MMP24: variants seen among roughly 807,000 people sequenced by gnomAD.
MMP24 encodes matrix metalloproteinase-24.
In MMP24, 25 loss-of-function variants were observed where a neutral mutation model predicts 62.8. That is an observed-to-expected ratio of 0.40 (90% CI 0.29 to 0.56). The LOEUF (loss-of-function observed/expected upper bound fraction) is 0.56, where lower values mean the gene tolerates loss of function less well. Among genes scored for constraint, MMP24 ranks in the 20% least tolerant of loss-of-function variants. The pLI is 0.50. For missense variants in MMP24, 634 were observed against 853.6 expected (o/e 0.74, Z 3.21); for synonymous variants, 319 against 350.5 (o/e 0.91, Z 1.00).
intron 3 of MMP24, among the ~76,000 whole-genome samples, chr20:35,253,952 C>G (rs2060562071): frequency 6.6e-6 from 1 of 151,002 alleles, no homozygotes; most frequent in African/African-American, 2.5e-5. Flanking sequence ...TCACTGCAAC[C>G]TCTGCCTCCG....
chr20:35,263,787 A>G lies in MMP24; in HGVS notation c.818-4A>G. 6.5e-7 allele frequency: 1 copy of G among 1,547,004 alleles called. No homozygotes were observed. The highest frequency in any genetic ancestry group is 8.7e-7 in the Non-Finnish European group (1 of 1,146,000). On this transcript the variant is annotated splice_polypyrimidine_tract_variant and splice_region_variant and intron_variant, in intron 4 of 8. Coordinates refer to ENST00000246186, the MANE Select transcript of MMP24 (RefSeq NM_006690.4). ...TGGGCACCTCCCCACACTCCTCTCC[A>G]CAGGGAACGACCTCTTCCTGGTGGC...
chr20:35,246,923 A>C lies in MMP24; in HGVS notation c.330A>C (p.Ala110=). 2 of 1,614,048 alleles carry C rather than the reference A, an allele frequency of 1.2e-6. No homozygotes were observed. The highest frequency in any genetic ancestry group is 2.2e-5 in the East Asian group (1 of 44,884). ...ACTCAGCGAAGGCCTTGCAGTCGGC[A>C]GTCTCCACTATGCAGCAGTTTTACG... ...ALHSAKALQS[A]VSTMQQFYGI... Residue 110 remains alanine, a synonymous_variant, in exon 2 of 9, where the codon GCA becomes GCC. Transcript: ENST00000246186.
intron 1 of MMP24, among the ~76,000 whole-genome samples, chr20:35,246,172 T>G (rs1346231261): frequency 6.6e-6 from 1 of 151,962 alleles, no homozygotes; most frequent in East Asian, 1.9e-4. Flanking sequence ...TCAGCCGTGC[T>G]GGCCGGGCGC....
At chr20:35,273,842 T>A (rs571233322) in intron 8 of MMP24, among the ~76,000 whole-genome samples, 2 of 152,102 alleles carry the variant, frequency 1.3e-5, no homozygotes, top group Non-Finnish European at 2.9e-5. Flanking sequence ...TGCAGAGAGG[T>A]CTTGCTGTCA....
At chr20:35,246,463 T>C (rs1047283716) in intron 1 of MMP24, among the ~76,000 whole-genome samples, 2 of 152,146 alleles carry the variant, frequency 1.3e-5, no homozygotes, top group African/African-American at 4.8e-5. Context: ...GCGACAAAGC[T>C]GGACTCCGTC....
intron 1 of MMP24, 100 bp downstream of exon 1, chr20:35,227,084 G>T (rs1276013277): frequency 4.3e-6 from 4 of 922,944 alleles, no homozygotes; most frequent in African/African-American, 1.8e-5. Context: ...ACCTACTGCC[G>T]AGGTCGCGGA....
chr20:35,244,504 G>A (rs1196809172), intron 1 of MMP24, among the ~76,000 whole-genome samples: 3 of 152,112 alleles, frequency 2.0e-5, no homozygotes, highest in Non-Finnish European at 4.4e-5. Context: ...GTAATGGCGT[G>A]ATCTCAGCTC....
chr20:35,246,128 C>T (rs1340640487), intron 1 of MMP24, among the ~76,000 whole-genome samples: 3 of 151,804 alleles, frequency 2.0e-5, no homozygotes, highest in Admixed American at 1.3e-4. Context: ...CTGGGTGGCA[C>T]AACATTTTCA....
At position 35,226,941 on chromosome 20, in the gene MMP24, C is replaced by T. The variant is rs1157111716; in HGVS notation, c.203C>T (p.Ala68Val). 28 of 979,768 alleles carry T rather than the reference C, an allele frequency of 2.9e-5. No homozygotes were observed. Among genetic ancestry groups the T allele is most frequent in the African/African-American group, 2.0e-4 (11 of 56,188 alleles). 60.7% of individuals were successfully genotyped at this position (979,768 alleles called of 1,614,324 possible). ...GAGNRAAVAV[A>V]VARADEAEAP... ...GGGAACCGGGCAGCGGTGGCGGTGG[C>T]GGTGGCGCGGGCGGACGAGGCGGAG... Residue 68 changes from alanine (A) to valine (V), a missense_variant, in exon 1 of 9, where the codon GCG becomes GTG. This residue lies in a region of MMP24 where 212 missense variants were observed against 259.6 expected (regional missense o/e 0.82). Transcript: ENST00000246186.
intron 1 of MMP24, among the ~76,000 whole-genome samples, chr20:35,244,566 G>A (rs988937243): frequency 6.6e-6 from 1 of 151,682 alleles, no homozygotes; most frequent in Non-Finnish European, 1.5e-5. Flanking sequence ...TCAGCCTCCC[G>A]AGTAGCTGAG....
At chr20:35,263,145 T>G (rs114658163) in intron 4 of MMP24, 4,025 of 152,322 alleles carry the variant, frequency 0.026, 106 homozygotes, top group African/African-American at 0.066. Context: ...CAGGTCTTGT[T>G]CCCTCTAATC....
Position 35,276,099 on chromosome 20 carries a change from G to A in MMP24, c.*1490G>A. The stretch of plus-strand genomic sequence containing the variant: ...GTCTCGGATGCCACCCCTGCTCACT[G>A]AGCCTGCATGGGCCTTGCCCCCGAC... On this transcript the variant is annotated 3_prime_UTR_variant, in exon 9 of 9. Transcript: ENST00000246186. The A allele has an allele frequency of 2.5e-6, 1 of 398,702 alleles. No homozygotes were observed. The highest frequency in any genetic ancestry group is 4.4e-6 in the Non-Finnish European group (1 of 226,146). The allele number at this position is 398,702 out of a possible 1,614,324, so 24.7% of individuals were successfully genotyped here. A position where few individuals can be genotyped will look rare whatever the true frequency, so the allele number is the denominator to read the frequency against.
At chr20:35,256,657 TAC>T (rs1248721950) in intron 4 of MMP24, among the ~76,000 whole-genome samples, 8 of 134,882 alleles carry the variant, frequency 5.9e-5, no homozygotes, top group African/African-American at 2.2e-4. Flanking sequence ...AGGCGGAGGT[TAC>T]AGTGAGCCGA....
chr20:35,253,339 C>A (rs1202780040), intron 3 of MMP24, among the ~76,000 whole-genome samples: 2 of 132,716 alleles, frequency 1.5e-5, no homozygotes, highest in Non-Finnish European at 3.1e-5. Flanking sequence ...ACTAAGGGCT[C>A]TTCTGCTGAT....
intron 5 of MMP24, among the ~76,000 whole-genome samples, chr20:35,264,696 A>T (rs2060622166): frequency 8.1e-6 from 1 of 124,144 alleles, no homozygotes; most frequent in African/African-American, 3.2e-5. Context: ...CAACAGGGCG[A>T]GACTCCGTCT....
Position 35,246,821 on chromosome 20 carries a change from T to A in MMP24, c.247-19T>A. ...CCTTTCCCAGCATAACGCATCTTTT[T>A]CTTTCCCGTGTCTTTCAGAACTGGT... On this transcript the variant is annotated intron_variant, in intron 1 of 8. Coordinates refer to ENST00000246186, the MANE Select transcript of MMP24 (RefSeq NM_006690.4). 1 of 1,613,144 alleles carries A rather than the reference T, an allele frequency of 6.2e-7. No individual in the cohort carries two copies. Among genetic ancestry groups the A allele is most frequent in the Non-Finnish European group, 8.5e-7 (1 of 1,179,120 alleles).
At position 35,259,440 on chromosome 20, in the gene MMP24, G is replaced by C. The variant is rs1414063448; in HGVS notation, c.818-4351G>C. 2.0e-5 allele frequency among the ~76,000 whole-genome samples: 3 copies of C among 152,174 alleles called. No homozygotes were observed. In the East Asian group the frequency reaches 5.8e-4, roughly 29 times the overall value. On this transcript the variant is annotated intron_variant, in intron 4 of 8. Transcript: ENST00000246186. ...CCTGGGGCAGCGAGCATGTGCACTAGTGGCAATCACGTGGGGAGGAAGCGG... is the reference window on the plus strand; with the variant it reads ...CCTGGGGCAGCGAGCATGTGCACTACTGGCAATCACGTGGGGAGGAAGCGG...
At chr20:35,245,808 CAAAA>C (rs763638366) in intron 1 of MMP24, among the ~76,000 whole-genome samples, 21 of 112,344 alleles carry the variant, frequency 1.9e-4, no homozygotes, top group Non-Finnish European at 2.5e-4. Flanking sequence ...TCACCTGGGC[CAAAA>C]AAAAAAAAAA....
intron 1 of MMP24, among the ~76,000 whole-genome samples, chr20:35,237,881 T>C (rs1002986784): frequency 2.0e-5 from 3 of 152,102 alleles, no homozygotes; most frequent in Non-Finnish European, 4.4e-5. Context: ...TCTGAGACCC[T>C]GAAAAATAGA....
Sources: gnomAD v4.1 joint callset for allele counts (sites outside exome capture counted in the v4.1 genomes callset) on GRCh38, gnomAD v4.1.1 for gene constraint, gnomAD v4.1.1 regional missense constraint, MANE v1.5 for transcripts, NCBI Gene and HGNC (gene_info 2026-07-23, HGNC 2026-07-21) for gene names.